GSK3B: variants seen among roughly 807,000 people sequenced by gnomAD.
GSK3B encodes glycogen synthase kinase 3 beta.
In GSK3B, 15 loss-of-function variants were observed where a neutral mutation model predicts 56.4. That is an observed-to-expected ratio of 0.27 (90% confidence interval 0.18 to 0.41). The LOEUF (loss-of-function observed/expected upper bound fraction) is 0.41. Ranked by LOEUF, GSK3B falls within the 10% of genes least tolerant of loss-of-function variation. The pLI is 1.00. For synonymous variants in GSK3B, 181 were observed against 188.9 expected (o/e 0.96, Z 0.34); for missense variants, 300 against 513.4 (o/e 0.58, Z 4.02).
Position 119,829,146 on chromosome 3 carries a change from A to G in GSK3B, c.1196-2291T>C, listed in dbSNP as rs2055562072. 2.6e-5 allele frequency among the ~76,000 whole-genome samples: 4 copies of G among 152,192 alleles called. 1 individual carries two copies. Among genetic ancestry groups the G allele is most frequent in the Admixed American group, 2.6e-4 (4 of 15,280 alleles). On this transcript the variant is annotated intron_variant, in intron 10 of 10. Transcript: ENST00000264235. The stretch of plus-strand genomic sequence containing the variant: ...TAAAGAAGTTTTACCCTTAATGATC[A>G]TCCACATTCTGTGCATCAATAACCT...
At chr3:119,851,390 C>T (rs2055928610) in intron 9 of GSK3B, among the ~76,000 whole-genome samples, 1 of 152,160 alleles carries the variant, frequency 6.6e-6, no homozygotes, top group Non-Finnish European at 1.5e-5. Flanking sequence ...TTAAAAGTTT[C>T]TATTCTTCCA....
At chr3:120,055,994 T>C (rs181857026) in intron 1 of GSK3B, among the ~76,000 whole-genome samples, 1 of 152,310 alleles carries the variant, frequency 6.6e-6, no homozygotes, top group African/African-American at 2.4e-5. Context: ...ATAACATCAT[T>C]TGCCTTTTTA....
At chr3:120,082,461 AT>A (rs1156893584) in intron 1 of GSK3B, among the ~76,000 whole-genome samples, 3 of 142,924 alleles carry the variant, frequency 2.1e-5, no homozygotes, top group Non-Finnish European at 4.5e-5. Flanking sequence ...CAGTGGCACA[AT>A]CTCGGCTCAC....
At chr3:119,886,295 T>C (rs1337012878) in intron 7 of GSK3B, among the ~76,000 whole-genome samples, 3 of 151,962 alleles carry the variant, frequency 2.0e-5, no homozygotes, top group Non-Finnish European at 4.4e-5. Context: ...AAAAAATGCT[T>C]CACATCACTA....
chr3:119,936,695 A>T (rs1275644754), intron 3 of GSK3B, among the ~76,000 whole-genome samples: 1 of 151,894 alleles, frequency 6.6e-6, no homozygotes, highest in Non-Finnish European at 1.5e-5. Flanking sequence ...AAGGAGCTAT[A>T]ACAATTATAT....
At chr3:119,963,638 AAAAAAAGAAAG>A (rs2057293397) in intron 2 of GSK3B, among the ~76,000 whole-genome samples, 1 of 150,524 alleles carries the variant, frequency 6.6e-6, no homozygotes, top group Admixed American at 6.6e-5. Context: ...AAAAAAAAAA[AAAAAAAGAAAG>A]AAAAAAAGAA....
intron 2 of GSK3B, among the ~76,000 whole-genome samples, chr3:119,995,295 C>A (rs536661337): frequency 1.3e-5 from 2 of 151,654 alleles, no homozygotes; most frequent in Non-Finnish European, 1.5e-5. Context: ...ACTTTACCAC[C>A]GCTCTCCAGC....
chr3:119,997,051 A>AT (rs1158574246), intron 2 of GSK3B, among the ~76,000 whole-genome samples: 5 of 152,198 alleles, frequency 3.3e-5, no homozygotes, highest in Non-Finnish European at 7.3e-5. Context: ...ATCATAATAA[A>AT]AACTGTTCAT....
At chr3:120,038,818 TAA>T (rs60085357) in intron 1 of GSK3B, among the ~76,000 whole-genome samples, 8 of 121,874 alleles carry the variant, frequency 6.6e-5, no homozygotes, top group South Asian at 2.6e-4. Flanking sequence ...GCACAGTCCA[TAA>T]AAAAAAAAAA....
chr3:119,833,206 A>C (rs1559800677), intron 10 of GSK3B, among the ~76,000 whole-genome samples: 1 of 149,364 alleles, frequency 6.7e-6, no homozygotes, highest in East Asian at 2.0e-4. Flanking sequence ...AACAGGAAGG[A>C]GAGTGAATGG....
chr3:119,861,049 T>A (rs2056094823), intron 9 of GSK3B, among the ~76,000 whole-genome samples: 2 of 152,316 alleles, frequency 1.3e-5, no homozygotes, highest in South Asian at 2.1e-4. Flanking sequence ...ACCCCTTGGA[T>A]TACCCAGTTT....
At chr3:119,933,615 G>A (rs927114596) in intron 3 of GSK3B, among the ~76,000 whole-genome samples, 7 of 152,218 alleles carry the variant, frequency 4.6e-5, no homozygotes, top group Non-Finnish European at 1.0e-4. Flanking sequence ...GGTGGCTCAC[G>A]CCTGTAATCC....
At chr3:119,843,819 T>C (rs1356820837) in intron 9 of GSK3B, among the ~76,000 whole-genome samples, 1 of 152,002 alleles carries the variant, frequency 6.6e-6, no homozygotes, top group Non-Finnish European at 1.5e-5. Flanking sequence ...CTGGACCAAG[T>C]TCTGTAGATA....
At chr3:119,972,945 C>A (rs1165581248) in intron 2 of GSK3B, among the ~76,000 whole-genome samples, 11 of 152,122 alleles carry the variant, frequency 7.2e-5, no homozygotes, top group Admixed American at 7.2e-4. Context: ...TCCTAGGCTT[C>A]CAATTTGACT....
intron 1 of GSK3B, among the ~76,000 whole-genome samples, chr3:120,049,793 C>T (rs549806489): frequency 2.0e-5 from 3 of 152,058 alleles, no homozygotes; most frequent in African/African-American, 7.2e-5. Context: ...CTGTAAAAGG[C>T]CCGACAGTAA....
At chr3:119,925,030 T>C (rs2056877298) in intron 3 of GSK3B, among the ~76,000 whole-genome samples, 2 of 152,200 alleles carry the variant, frequency 1.3e-5, no homozygotes, top group African/African-American at 2.4e-5. Context: ...CAAGTCATCA[T>C]CAAAATTTAA....
At chr3:119,868,960 A>G (rs1281202820) in intron 8 of GSK3B, among the ~76,000 whole-genome samples, 1 of 152,210 alleles carries the variant, frequency 6.6e-6, no homozygotes. Context: ...TAACTAAGAA[A>G]GAAATCAAGT....
At chr3:119,998,502 T>G (rs2057645733) in intron 2 of GSK3B, among the ~76,000 whole-genome samples, 1 of 152,240 alleles carries the variant, frequency 6.6e-6, no homozygotes, top group East Asian at 1.9e-4. Flanking sequence ...AGCTAAGCCA[T>G]GCCTGAATTT....
intron 2 of GSK3B, among the ~76,000 whole-genome samples, chr3:119,963,329 T>C (rs972220369): frequency 3.9e-5 from 6 of 152,294 alleles, no homozygotes; most frequent in African/African-American, 1.4e-4. Flanking sequence ...TTTTACATAA[T>C]TTATTTTAAT....
Sources: allele counts gnomAD v4.1 joint callset (sites outside exome capture counted in the v4.1 genomes callset), GRCh38; gene constraint gnomAD v4.1.1; transcripts MANE v1.5; gene names NCBI Gene and HGNC (gene_info 2026-07-23, HGNC 2026-07-21).